The following SLC8A1 variants were observed in gnomAD, a reference collection of about 807,000 sequenced individuals.
The protein encoded by SLC8A1 is sodium/calcium exchanger 1.
Under a neutral mutation model 68.3 loss-of-function variants are expected in SLC8A1, and 18 were observed. The observed-to-expected ratio is 0.26, with a 90% CI of 0.18 to 0.39. SLC8A1 has a LOEUF of 0.39. Among genes scored for constraint, SLC8A1 ranks in the 10% least tolerant of loss-of-function variants. SLC8A1 has a pLI of 1.00. For missense variants in SLC8A1, 985 were observed against 1,156.7 expected (o/e 0.85, Z 2.15); for synonymous variants, 475 against 415.5 (o/e 1.14, Z -1.74).
intron 2 of SLC8A1, chr2:40,250,859 C>G (rs1434379226): frequency 6.6e-6 from 1 of 152,100 alleles, no homozygotes; most frequent in Non-Finnish European, 1.5e-5. Flanking sequence ...AAAAAAGTAC[C>G]TGTAACTGTT....
intron 1 of SLC8A1, among the ~76,000 whole-genome samples, chr2:40,433,887 G>C (rs1048318011): frequency 1.3e-5 from 2 of 152,164 alleles, no homozygotes; most frequent in African/African-American, 4.8e-5. Context: ...CAAAAGTCTT[G>C]TGGAAGGTTT....
chr2:40,439,621 T>C (rs1179138591), intron 1 of SLC8A1, among the ~76,000 whole-genome samples: 1 of 152,086 alleles, frequency 6.6e-6, no homozygotes, highest in Non-Finnish European at 1.5e-5. Flanking sequence ...TAAATGCTGG[T>C]TGTGTGAGCA....
At chr2:40,304,023 A>ATGAAAG (rs1213976709) in intron 2 of SLC8A1, among the ~76,000 whole-genome samples, 13 of 152,242 alleles carry the variant, frequency 8.5e-5, no homozygotes, top group Non-Finnish European at 1.9e-4. Flanking sequence ...GATAAGCTGG[A>ATGAAAG]GGTCAACATC....
intron 2 of SLC8A1, among the ~76,000 whole-genome samples, chr2:40,396,951 G>C (rs371743951): frequency 9.9e-5 from 15 of 152,044 alleles, no homozygotes; most frequent in African/African-American, 2.4e-4. Context: ...CACAAGGTTT[G>C]ACAGGTTTCA....
chr2:40,169,477 G>A (rs17025380), intron 4 of SLC8A1, among the ~76,000 whole-genome samples: 25,213 of 151,962 alleles, frequency 0.17, 2,992 homozygotes, highest in East Asian at 0.63. Flanking sequence ...CTCTAAACCT[G>A]TATTAGATCT....
chr2:40,382,109 T>C (rs1021327942), intron 2 of SLC8A1, among the ~76,000 whole-genome samples: 1 of 152,088 alleles, frequency 6.6e-6, no homozygotes, highest in Non-Finnish European at 1.5e-5. Context: ...GTAACACACA[T>C]TTCTCTACTG....
intron 1 of SLC8A1, among the ~76,000 whole-genome samples, chr2:40,487,743 C>T (rs1365706884): frequency 2.6e-5 from 4 of 152,110 alleles, no homozygotes; most frequent in African/African-American, 7.2e-5. Context: ...GTGAAAGAAG[C>T]CCATTGCGGA....
upstream of SLC8A1, among the ~76,000 whole-genome samples, chr2:40,454,129 G>C (rs1190698006): frequency 4.6e-5 from 7 of 152,248 alleles, no homozygotes; most frequent in South Asian, 1.0e-3. Flanking sequence ...CTGAATTTAA[G>C]GCAGTGTGAG....
At chr2:40,200,975 C>G (rs911240619) in intron 2 of SLC8A1, among the ~76,000 whole-genome samples, 29 of 151,818 alleles carry the variant, frequency 1.9e-4, no homozygotes, top group African/African-American at 6.8e-4. Flanking sequence ...TTCCACACAA[C>G]ACTCTCTTCT....
chr2:40,437,199 C>A (rs1279611267), intron 1 of SLC8A1, among the ~76,000 whole-genome samples: 1 of 152,080 alleles, frequency 6.6e-6, no homozygotes, highest in African/African-American at 2.4e-5. Flanking sequence ...AAATGGCAGA[C>A]ACATTTTATT....
At chr2:40,374,066 T>A in intron 2 of SLC8A1, among the ~76,000 whole-genome samples, 1 of 152,124 alleles carries the variant, frequency 6.6e-6, no homozygotes, top group Admixed American at 6.5e-5. Context: ...TTTTCCATCC[T>A]CAGAGCACAC....
At chr2:40,329,790 C>T (rs1046652183) in intron 2 of SLC8A1, among the ~76,000 whole-genome samples, 1 of 152,154 alleles carries the variant, frequency 6.6e-6, no homozygotes, top group Non-Finnish European at 1.5e-5. Context: ...ATTCCTCAAT[C>T]CCATCCCACT....
intron 2 of SLC8A1, among the ~76,000 whole-genome samples, chr2:40,288,955 C>A (rs954127039): frequency 4.0e-5 from 6 of 150,724 alleles, no homozygotes; most frequent in Non-Finnish European, 4.4e-5. Flanking sequence ...CCAACTTGGC[C>A]TCCCAAAATG....
chr2:40,391,604 T>C (rs1685287599), intron 2 of SLC8A1, among the ~76,000 whole-genome samples: 1 of 152,072 alleles, frequency 6.6e-6, no homozygotes, highest in Admixed American at 6.6e-5. Context: ...ATGCTCTTTC[T>C]TTCCTAGAGT....
intron 2 of SLC8A1, among the ~76,000 whole-genome samples, chr2:40,271,180 T>TC (rs70957168): frequency 0.49 from 74,670 of 151,310 alleles, 20,531 homozygotes; most frequent in East Asian, 0.77. Context: ...GCCCCCCTCA[T>TC]ATGGCTGACA....
At chr2:40,306,068 T>C (rs1305730301) in intron 2 of SLC8A1, among the ~76,000 whole-genome samples, 2 of 152,192 alleles carry the variant, frequency 1.3e-5, no homozygotes, top group African/African-American at 4.8e-5. Flanking sequence ...AACTGTCTAT[T>C]CTGGGATGCT....
intron 2 of SLC8A1, among the ~76,000 whole-genome samples, chr2:40,292,719 T>G (rs914151889): frequency 2.0e-5 from 3 of 152,274 alleles, no homozygotes; most frequent in African/African-American, 7.2e-5. Context: ...ACCACTGTAC[T>G]TTTTTATTTG....
At chr2:40,361,528 A>G (rs1674635671) in intron 2 of SLC8A1, among the ~76,000 whole-genome samples, 1 of 151,510 alleles carries the variant, frequency 6.6e-6, no homozygotes, top group Non-Finnish European at 1.5e-5. Context: ...CATGTTCAGT[A>G]TCTGGCCATT....
chr2:40,201,371 A>G (rs1233952755), intron 2 of SLC8A1, among the ~76,000 whole-genome samples: 2 of 152,064 alleles, frequency 1.3e-5, no homozygotes, highest in East Asian at 3.9e-4. Flanking sequence ...TCAATTTACA[A>G]ATATATTATT....
Sources: gnomAD v4.1 joint callset for allele counts (sites outside exome capture counted in the v4.1 genomes callset) on GRCh38, gnomAD v4.1.1 for gene constraint, MANE v1.5 for transcripts, NCBI Gene and HGNC (gene_info 2026-07-23, HGNC 2026-07-21) for gene names.